The following PPARG variants were observed in gnomAD, a reference collection of about 807,000 sequenced individuals.
PPARG encodes peroxisome proliferator activated receptor gamma, also known as peroxisome proliferator-activated receptor gamma.
Under a neutral mutation model 39.2 loss-of-function variants are expected in PPARG, and 17 were observed. The observed-to-expected ratio is 0.43, with a 90% CI of 0.30 to 0.65. The LOEUF (loss-of-function observed/expected upper bound fraction) is 0.65. Ranked by LOEUF, PPARG falls within the 30% of genes least tolerant of loss-of-function variation. The pLI, the probability that PPARG is intolerant of heterozygous loss-of-function variation, is 0.13. For synonymous variants in PPARG, 223 were observed against 215.7 expected (o/e 1.03, Z -0.30); for missense variants, 406 against 585.9 (o/e 0.69, Z 3.17).
intron 5 of PPARG, among the ~76,000 whole-genome samples, chr3:12,402,378 C>G (rs12489347): frequency 0.036 from 5,409 of 152,078 alleles, 286 homozygotes; most frequent in East Asian, 0.29. Context: ...CCCAAACTTC[C>G]TAATGGACAT....
intron 2 of PPARG, 119 bp from the exon 3 acceptor site, chr3:12,379,585 G>A (rs1251219029): frequency 3.4e-6 from 3 of 887,268 alleles, no homozygotes; most frequent in Non-Finnish European, 5.4e-6. Flanking sequence ...TTCTGTTGTT[G>A]TGAGCGCCCA....
At chr3:12,344,907 C>G (rs990248702) in intron 2 of PPARG, 4 of 152,188 alleles carry the variant, frequency 2.6e-5, no homozygotes, top group Admixed American at 2.0e-4. Context: ...CTGTTTGACT[C>G]TTTGTTCATT....
intron 2 of PPARG, among the ~76,000 whole-genome samples, chr3:12,375,739 A>G (rs913236800): frequency 4.6e-5 from 7 of 152,118 alleles, no homozygotes; most frequent in African/African-American, 1.7e-4. Flanking sequence ...TTTTTTCTGG[A>G]TGTCATTGAG....
At chr3:12,428,853 T>C (rs943840271) in intron 7 of PPARG, among the ~76,000 whole-genome samples, 1 of 152,248 alleles carries the variant, frequency 6.6e-6, no homozygotes, top group Non-Finnish European at 1.5e-5. Context: ...TTGAGTATAT[T>C]TCCCCAGTTG....
intron 4 of PPARG, among the ~76,000 whole-genome samples, chr3:12,382,602 A>G (rs893623742): frequency 6.6e-6 from 1 of 152,234 alleles, no homozygotes; most frequent in African/African-American, 2.4e-5. Context: ...TTCTTACTAC[A>G]TGCCAAATAC....
chr3:12,424,147 G>A (rs1342492264), intron 7 of PPARG, among the ~76,000 whole-genome samples: 1 of 152,142 alleles, frequency 6.6e-6, no homozygotes, highest in Non-Finnish European at 1.5e-5. Context: ...ACAAGGGTGA[G>A]GTTTATTTAT....
intron 1 of PPARG, among the ~76,000 whole-genome samples, chr3:12,303,886 T>A (rs2046991339): frequency 6.6e-6 from 1 of 152,232 alleles, no homozygotes; most frequent in African/African-American, 2.4e-5. Flanking sequence ...GTGAACTTAG[T>A]AGAACATATT....
chr3:12,406,532 CTTT>C lies in PPARG; in HGVS notation c.729+474_729+476del, dbSNP rs10540594. 428 of 60,428 alleles carry C rather than the reference CTTT, an allele frequency of 7.1e-3. 3 individuals are homozygous for C. Among genetic ancestry groups the C allele is most frequent in the African/African-American group, 0.019 (338 of 17,794 alleles). The allele number at this position is 60,428 out of a possible 1,614,324, so 3.7% of individuals were successfully genotyped here. A position where few individuals can be genotyped will look rare whatever the true frequency, so the allele number is the denominator to read the frequency against. ...TTCAGGAGAACTACCAGAGTTACCT[CTTT>C]TTTTTTTTTTTTTTTTTTTTTTGAG... On this transcript the variant is annotated intron_variant, in intron 6 of 7. Transcript: ENST00000651735.
chr3:12,380,947 A>G (rs879689053), intron 3 of PPARG, among the ~76,000 whole-genome samples: 4 of 152,206 alleles, frequency 2.6e-5, no homozygotes, highest in Admixed American at 6.6e-5. Context: ...ATATTTAAAT[A>G]AAATGTATAA....
At chr3:12,372,613 C>G (rs1575074123) in intron 2 of PPARG, among the ~76,000 whole-genome samples, 2 of 152,102 alleles carry the variant, frequency 1.3e-5, no homozygotes, top group Non-Finnish European at 2.9e-5. Context: ...CTAATCATAG[C>G]TTTTCTTTTC....
rs148527251 is a variant in PPARG, at chr3:12,418,559, T to C, written c.1180+1405T>C. Reference sequence around the variant, plus strand: ...GTGCATAGTGCAGTAGTCATAAGAATAGCAAACATTTATTTAATACTTGCT... The same window carrying C: ...GTGCATAGTGCAGTAGTCATAAGAACAGCAAACATTTATTTAATACTTGCT... On this transcript the variant is annotated intron_variant, in intron 7 of 7. Transcript: ENST00000651735. 4.6e-5 allele frequency among the ~76,000 whole-genome samples: 7 copies of C among 152,356 alleles called. No homozygotes were observed. The East Asian group carries it at 1.4e-3, about 29-fold the overall frequency.
intron 6 of PPARG, among the ~76,000 whole-genome samples, chr3:12,413,524 T>A (rs549152133): frequency 1.3e-5 from 2 of 152,254 alleles, no homozygotes; most frequent in East Asian, 3.9e-4. Flanking sequence ...AAAGCTGGAA[T>A]GGGGCCGGGC....
rs121909246 is a variant in PPARG at position 12,392,713 on chromosome 3, C to T, written c.490C>T (p.Arg164Trp). 1 of 1,613,810 alleles carries T rather than the reference C, an allele frequency of 6.2e-7. No individual in the cohort carries two copies. Among genetic ancestry groups the T allele is most frequent in the Non-Finnish European group, 8.5e-7 (1 of 1,179,810 alleles). Residue 164 changes from arginine (R) to tryptophan (W), a missense_variant, in exon 5 of 8, where the codon CGG becomes TGG. This residue lies in a region of PPARG where 275 missense variants were observed against 458.0 expected (regional missense o/e 0.60). Coordinates refer to ENST00000651735, the MANE Select transcript of PPARG (RefSeq NM_138711.6). Reference sequence around the variant, plus strand: ...AAGTAGAAATAAATGTCAGTACTGTCGGTTTCAGAAATGCCTTGCAGTGGG... The same window carrying T: ...AAGTAGAAATAAATGTCAGTACTGTTGGTTTCAGAAATGCCTTGCAGTGGG... ...KKSRNKCQYC[R>W]FQKCLAVGMS...
chr3:12,305,324 T>C (rs1379037157), intron 1 of PPARG, among the ~76,000 whole-genome samples: 2 of 152,240 alleles, frequency 1.3e-5, no homozygotes, highest in Non-Finnish European at 2.9e-5. Context: ...AGAAATGTTA[T>C]GTTGCTCTTT....
At chr3:12,360,635 C>G (rs141429382) in intron 2 of PPARG, among the ~76,000 whole-genome samples, 1 of 147,734 alleles carries the variant, frequency 6.8e-6, no homozygotes, top group African/African-American at 2.5e-5. Context: ...ATTCTAATTT[C>G]TAACTCATTG....
At chr3:12,355,315 T>G (rs2048627187) in intron 2 of PPARG, among the ~76,000 whole-genome samples, 1 of 152,164 alleles carries the variant, frequency 6.6e-6, no homozygotes, top group Non-Finnish European at 1.5e-5. Context: ...TTTGTAATTT[T>G]TATAGAGACA....
Position 12,312,452 on chromosome 3 carries a change from C to T in PPARG, c.-10C>T, listed in dbSNP as rs1186748839. On this transcript the variant is annotated splice_region_variant and 5_prime_UTR_variant, in exon 2 of 8. It adds an upstream start codon to the 5' untranslated region. Coordinates refer to ENST00000651735, the MANE Select transcript of PPARG (RefSeq NM_138711.6). ...TTCTCAAACGAGAGTCAGCCTTTAA[C>T]GGTAAGTAAAATCAGAATTTATACT... 6.6e-6 allele frequency: 1 copy of T among 152,152 alleles called. No individual in the cohort carries two copies. Among genetic ancestry groups the T allele is most frequent in the Non-Finnish European group, 1.5e-5 (1 of 68,032 alleles). The allele number at this position is 152,152 out of a possible 1,614,324, so 9.4% of individuals were successfully genotyped here. A position where few individuals can be genotyped will look rare whatever the true frequency, so the allele number is the denominator to read the frequency against.
intron 2 of PPARG, among the ~76,000 whole-genome samples, chr3:12,343,709 C>T (rs1385213364): frequency 6.6e-6 from 1 of 152,058 alleles, no homozygotes; most frequent in East Asian, 1.9e-4. Flanking sequence ...AATTGATGCT[C>T]AGTCTTATTT....
chr3:12,327,389 G>A, intron 2 of PPARG, among the ~76,000 whole-genome samples: 1 of 152,146 alleles, frequency 6.6e-6, no homozygotes, highest in East Asian at 1.9e-4. Context: ...CATGGCCTCT[G>A]GGCATTTGGT....
Sources: allele counts gnomAD v4.1 joint callset (sites outside exome capture counted in the v4.1 genomes callset), GRCh38; gene constraint gnomAD v4.1.1; regional missense constraint gnomAD v4.1.1; transcripts MANE v1.5; gene names NCBI Gene and HGNC (gene_info 2026-07-23, HGNC 2026-07-21).